CD163: variants seen among roughly 807,000 people sequenced by gnomAD.
CD163 encodes the protein CD163 molecule.
A neutral mutation model predicts 129.2 loss-of-function variants in CD163; 64 were observed. The observed-to-expected ratio is 0.50, with a 90% CI of 0.41 to 0.61. The LOEUF is 0.61. Among genes scored for constraint, CD163 ranks in the 20% least tolerant of loss-of-function variants. CD163 has a pLI of 0.00. For synonymous variants in CD163, 446 were observed against 478.5 expected (o/e 0.93, Z 0.89); for missense variants, 1,061 against 1,377.9 (o/e 0.77, Z 3.64).
chr12:7,496,672 T>A lies in CD163; in HGVS notation c.1099+141A>T. On this transcript the variant is annotated intron_variant, in intron 5 of 16. Coordinates refer to ENST00000432237, the MANE Select transcript of CD163 (RefSeq NM_203416.4). This position sits in a 1 kb window ranked among gnomAD's most constrained non-coding sequence, Gnocchi z 4.8. The stretch of plus-strand genomic sequence containing the variant: ...TAAAGAATGTGTCAAAGATTACAGG[T>A]ATAAAGGAATTCCCAGCAAGGAATT... The A allele has an allele frequency of 3.0e-6, 2 of 676,036 alleles. No homozygotes were observed. Among genetic ancestry groups the A allele is most frequent in the Non-Finnish European group, 5.1e-6 (2 of 392,226 alleles). 41.9% of individuals were successfully genotyped at this position (676,036 alleles called of 1,614,324 possible). A position where few individuals can be genotyped will look rare whatever the true frequency, so the allele number is the denominator to read the frequency against.
At position 7,485,112 on chromosome 12, in the gene CD163, G is replaced by A. The variant is rs141738038; in HGVS notation, c.2763C>T (p.Thr921=). 223 of 1,606,112 alleles carry A rather than the reference G, an allele frequency of 1.4e-4. 1 individual carries two copies. In the African/African-American group the frequency reaches 2.7e-3, roughly 19 times the overall value. The change falls in exon 11 of 17, where the codon ACC becomes ACT. Residue 921 remains threonine (T), a synonymous_variant. Coordinates refer to ENST00000432237, the MANE Select transcript of CD163 (RefSeq NM_203416.4). The surrounding 1 kb of genome is among the most constrained non-coding windows in gnomAD (Gnocchi z 4.5). ...GATACTCACTGTCACATGTGATCCA[G>A]GTCTCCTCCGAGGGGCTGGCCAGTC... is the stretch of plus-strand genomic sequence containing the variant. ...EKRLASPSEE[T]WITCDNKIRL...
chr12:7,480,799 T>C lies in CD163; in HGVS notation c.3343+362A>G, dbSNP rs1167427763. 2.6e-5 allele frequency: 22 copies of C among 834,628 alleles called. No individual in the cohort carries two copies. The South Asian group carries it at 7.9e-4, about 30-fold the overall frequency. 51.7% of individuals were successfully genotyped at this position (834,628 alleles called of 1,614,324 possible). A position where few individuals can be genotyped will look rare whatever the true frequency, so the allele number is the denominator to read the frequency against. ...ATACATCCCATAAAATCATGTTGTA[T>C]ACCTTAAATATACACAACAAAATTT... On this transcript the variant is annotated intron_variant, in intron 15 of 16. Transcript: ENST00000432237.
At chr12:7,481,484 T>C (rs139943267) in intron 14 of CD163, among the ~76,000 whole-genome samples, 1 of 152,202 alleles carries the variant, frequency 6.6e-6, no homozygotes, top group Non-Finnish European at 1.5e-5. Context: ...CAACCCACTG[T>C]TTTTACCCAA....
chr12:7,502,360 A>C (rs1232732216), intron 2 of CD163, 118 bp downstream of exon 2: 1 of 753,226 alleles, frequency 1.3e-6, no homozygotes, highest in African/African-American at 1.7e-5. Context: ...TCCTTTGAAT[A>C]CATGGAGCAT....
chr12:7,472,900 A>C (rs1265136382), intron 16 of CD163, among the ~76,000 whole-genome samples: 1 of 152,210 alleles, frequency 6.6e-6, no homozygotes. Context: ...GGAGCTGAAA[A>C]ACACAGCATG....
At chr12:7,499,505 T>C (rs1199509850) in intron 3 of CD163, among the ~76,000 whole-genome samples, 2 of 152,220 alleles carry the variant, frequency 1.3e-5, no homozygotes, top group Non-Finnish European at 2.9e-5. Context: ...TAAATTCGAC[T>C]CAAGTTATTT....
At chr12:7,498,634 TTTTC>T (rs2136738479) in intron 4 of CD163, among the ~76,000 whole-genome samples, 1 of 152,284 alleles carries the variant, frequency 6.6e-6, no homozygotes, top group East Asian at 1.9e-4. Context: ...CACTTTCTTC[TTTTC>T]TTATGACCTG....
At chr12:7,501,550 A>C (rs1029662152) in intron 2 of CD163, 88 bp from the exon 3 acceptor site, 3 of 995,928 alleles carry the variant, frequency 3.0e-6, no homozygotes, top group Non-Finnish European at 4.6e-6. Context: ...TTATCCTTCA[A>C]ACTCAGATTT....
At chr12:7,499,234 A>C (rs1949445525) in intron 3 of CD163, 46 bp from the exon 4 acceptor site, 1 of 1,506,636 alleles carries the variant, frequency 6.6e-7, no homozygotes, top group East Asian at 2.3e-5. Flanking sequence ...ATTCATTTAG[A>C]AGTGATTTTA....
intron 6 of CD163, among the ~76,000 whole-genome samples, chr12:7,488,365 T>G (rs1266375954): frequency 2.6e-5 from 4 of 152,164 alleles, no homozygotes; most frequent in African/African-American, 9.7e-5. Flanking sequence ...TTCCAAAATT[T>G]TGCTTACTTT....
intron 3 of CD163, among the ~76,000 whole-genome samples, chr12:7,500,418 T>TA (rs1555079796): frequency 5.7e-3 from 57 of 9,990 alleles, no homozygotes; most frequent in African/African-American, 8.0e-3. Context: ...CGACAATTCG[T>TA]CCCAAAAAAA....
rs1241446076 is a variant in CD163 at position 7,495,108 on chromosome 12, A to C, written c.1393T>G (p.Tyr465Asp). 1.2e-6 allele frequency: 2 copies of C among 1,614,100 alleles called. No homozygotes were observed. Among genetic ancestry groups the C allele is most frequent in the Admixed American group, 3.3e-5 (2 of 60,022 alleles). ...WQWGGLTCDH[Y>D]EEAKITCSAH... ...GAGCAGGTAATTTTGGCTTCTTCATAGTGATCACAGGTAAGTCCACCCCAT... is the reference window on the plus strand; with the variant it reads ...GAGCAGGTAATTTTGGCTTCTTCATCGTGATCACAGGTAAGTCCACCCCAT... Residue 465 changes from tyrosine (Y) to aspartate (D), a missense_variant, in exon 6 of 17, where the codon TAT becomes GAT. Coordinates refer to ENST00000432237, the MANE Select transcript of CD163 (RefSeq NM_203416.4).
chr12:7,479,079 C>T (rs1949126270), intron 16 of CD163, among the ~76,000 whole-genome samples: 1 of 152,074 alleles, frequency 6.6e-6, no homozygotes, highest in Non-Finnish European at 1.5e-5. Flanking sequence ...ACCTCTTCAA[C>T]AGACCCCCAG....
At chr12:7,499,765 A>G (rs1332108434) in intron 3 of CD163, among the ~76,000 whole-genome samples, 2 of 152,144 alleles carry the variant, frequency 1.3e-5, no homozygotes, top group Non-Finnish European at 2.9e-5. Context: ...TAAAAATAAG[A>G]GGAAAGAAGG....
chr12:7,487,899 T>C lies in CD163; in HGVS notation c.1609A>G (p.Asn537Asp), dbSNP rs147948417. ...AATTCTTCAGCCCAGATCTGTCCATTTCCCTCTCCAAAGTGAGCTCCCCCC... is the reference window on the plus strand; with the variant it reads ...AATTCTTCAGCCCAGATCTGTCCATCTCCCTCTCCAAAGTGAGCTCCCCCC... The part of the protein sequence containing the change: ...ILGGAHFGEG[N>D]GQIWAEEFQC... The change falls in exon 7 of 17, where the codon AAT becomes GAT. Residue 537 changes from asparagine (N) to aspartate (D), a missense_variant. Asn to Asp is a conservative substitution (Grantham distance 23). Transcript: ENST00000432237. This position sits in a 1 kb window ranked among gnomAD's most constrained non-coding sequence, Gnocchi z 5.1. 1.2e-4 allele frequency: 201 copies of C among 1,613,948 alleles called. No individual in the cohort carries two copies. Among genetic ancestry groups the C allele is most frequent in the Non-Finnish European group, 1.6e-4 (193 of 1,180,000 alleles).
intron 5 of CD163, among the ~76,000 whole-genome samples, chr12:7,495,898 A>C (rs757838951): frequency 6.6e-6 from 1 of 152,340 alleles, no homozygotes; most frequent in Admixed American, 6.5e-5. Context: ...TAGTTCAACC[A>C]TTATGGAAGA....
Position 7,486,712 on chromosome 12 carries a change from C to T in CD163, c.2245G>A (p.Asp749Asn). 6.2e-7 allele frequency: 1 copy of T among 1,614,208 alleles called. No individual in the cohort carries two copies. Among genetic ancestry groups the T allele is most frequent in the Non-Finnish European group, 8.5e-7 (1 of 1,180,024 alleles). The stretch of plus-strand genomic sequence containing the variant: ...CAAACCACGTGGGCATCACTCAGGT[C>T]CCAGCTGTCATCACAGATGGTGCCC... Reference protein sequence around the residue: ...SWGTICDDSWDLSDAHVVCRQ... With the variant: ...SWGTICDDSWNLSDAHVVCRQ... The change falls in exon 10 of 17, where the codon GAC becomes AAC. Residue 749 changes from aspartate (D) to asparagine (N), a missense_variant. By Grantham distance (23) the Asp-to-Asn change is conservative. Coordinates refer to ENST00000432237, the MANE Select transcript of CD163 (RefSeq NM_203416.4).
chr12:7,498,397 C>A (rs1362185514), intron 4 of CD163, among the ~76,000 whole-genome samples: 3 of 151,856 alleles, frequency 2.0e-5, no homozygotes, highest in Non-Finnish European at 2.9e-5. Context: ...AATGAGAAAC[C>A]AATATTGATT....
rs776060481 is a variant in CD163 at position 7,482,359 on chromosome 12, C to T, written c.3247+284G>A. Among the ~76,000 whole-genome samples the T allele has an allele frequency of 2.0e-4, 30 of 152,176 alleles. No homozygotes were observed. The South Asian group carries it at 5.8e-3, about 30-fold the overall frequency. ...CTTTTCTCCTCTGAAATCTTATTCC[C>T]TCTATTTAAAAAATGAAAAAAATCT... is the stretch of plus-strand genomic sequence containing the variant. On this transcript the variant is annotated intron_variant, in intron 14 of 16. Coordinates refer to ENST00000432237, the MANE Select transcript of CD163 (RefSeq NM_203416.4).
Sources: gnomAD v4.1 joint callset for allele counts (sites outside exome capture counted in the v4.1 genomes callset) on GRCh38, gnomAD v4.1.1 for gene constraint, Gnocchi (gnomAD v3.1) non-coding constraint, MANE v1.5 for transcripts, NCBI Gene and HGNC (gene_info 2026-07-23, HGNC 2026-07-21) for gene names.